CDH4: variants seen among roughly 807,000 people sequenced by gnomAD.
CDH4 encodes the protein cadherin-4.
Under a neutral mutation model 86.0 loss-of-function variants are expected in CDH4, and 33 were observed. The ratio of observed to expected loss-of-function variants is 0.38; its 90% CI spans 0.29 to 0.51. The LOEUF is 0.51. CDH4 is among the 20% of genes least tolerant of loss of function. The probability of loss-of-function intolerance (pLI) is 0.86; values close to 1 mark genes in which losing one functional copy is unlikely to be tolerated. For missense variants in CDH4, 1,114 were observed against 1,307.4 expected, an observed-to-expected ratio of 0.85 and a Z score of 2.28; for synonymous variants, 555 against 549.4, an observed-to-expected ratio of 1.01 and a Z score of -0.14.
At position 61,255,072 on chromosome 20, in the gene CDH4, C is replaced by T. The variant is rs148525076; in HGVS notation, c.169+135C>T. ...TGATGGTGGTGAAGTCCACGAGGTG[C>T]AAATTGGTTGACCTGAAAGGCGTTT... On this transcript the variant is annotated intron_variant, in intron 2 of 15. Coordinates refer to ENST00000614565, the MANE Select transcript of CDH4 (RefSeq NM_001794.5). 226 of 643,136 alleles carry T rather than the reference C, an allele frequency of 3.5e-4. 2 individuals carry two copies. Among genetic ancestry groups the T allele is most frequent in the African/African-American group, 3.5e-3 (191 of 55,094 alleles). The allele number at this position is 643,136 out of a possible 1,614,324, so 39.8% of individuals were successfully genotyped here.
chr20:61,305,149 G>A (rs141492982), intron 2 of CDH4, among the ~76,000 whole-genome samples: 66 of 152,092 alleles, frequency 4.3e-4, no homozygotes, highest in African/African-American at 4.1e-4. Context: ...ATTTTTCAGC[G>A]TCATCTCTGA....
rs1184412702 is a variant in CDH4, at chr20:61,811,752, A to T, written c.577-32916A>T. On this transcript the variant is annotated intron_variant, in intron 4 of 15. Coordinates refer to ENST00000614565, the MANE Select transcript of CDH4 (RefSeq NM_001794.5). The surrounding 1 kb of genome is among the most constrained non-coding windows in gnomAD (Gnocchi z 4.4). ...AGTGCCACGATCTCCACTCACTGCA[A>T]CCTCTGCCTCCCGGGTTCAAGCAAT... Among the ~76,000 whole-genome samples, 1 of 149,052 alleles carries T rather than the reference A, an allele frequency of 6.7e-6. No homozygotes were observed. The highest frequency in any genetic ancestry group is 1.5e-5 in the Non-Finnish European group (1 of 67,342).
chr20:61,632,988 A>T (rs565866500), intron 2 of CDH4, among the ~76,000 whole-genome samples: 1 of 150,308 alleles, frequency 6.7e-6, no homozygotes, highest in Admixed American at 6.6e-5. Flanking sequence ...CCATCTTCCC[A>T]TCCATCTACC....
rs1175987423 is a variant in CDH4, at chr20:61,654,098, A to T, written c.170-89465A>T. On this transcript the variant is annotated intron_variant, in intron 2 of 15. Coordinates refer to ENST00000614565, the MANE Select transcript of CDH4 (RefSeq NM_001794.5). The stretch of plus-strand genomic sequence containing the variant: ...CGGCTGGGAGGTGGAGGTTGTAGCG[A>T]GCTGAGATCACGCCACTGCACTCCA... 3.9e-5 allele frequency among the ~76,000 whole-genome samples: 6 copies of T among 152,178 alleles called. No homozygotes were observed. The East Asian group carries it at 1.2e-3, about 29-fold the overall frequency.
intron 2 of CDH4, among the ~76,000 whole-genome samples, chr20:61,485,207 C>T (rs1218445601): frequency 1.3e-5 from 2 of 152,132 alleles, no homozygotes; most frequent in Non-Finnish European, 2.9e-5. Context: ...AAGATCTCCC[C>T]AATAGAGAAT....
intron 2 of CDH4, among the ~76,000 whole-genome samples, chr20:61,650,052 G>A (rs2087105435): frequency 6.6e-6 from 1 of 152,168 alleles, no homozygotes; most frequent in African/African-American, 2.4e-5. Context: ...TCCTAAATGG[G>A]CAGTCAGCGG....
At chr20:61,673,195 A>G (rs2087409273) in intron 2 of CDH4, among the ~76,000 whole-genome samples, 1 of 152,176 alleles carries the variant, frequency 6.6e-6, no homozygotes, top group African/African-American at 2.4e-5. Flanking sequence ...CCTCCTGCAC[A>G]GTGACCTCTA....
rs544070808 is a variant in CDH4 at position 61,659,837 on chromosome 20, C to T, written c.170-83726C>T. Among the ~76,000 whole-genome samples the T allele has an allele frequency of 1.4e-4, 22 of 152,294 alleles. No homozygotes were observed. The South Asian group carries it at 3.5e-3, about 24-fold the overall frequency. On this transcript the variant is annotated intron_variant, in intron 2 of 15. Coordinates refer to ENST00000614565, the MANE Select transcript of CDH4 (RefSeq NM_001794.5). ...GCAGCGAAGGCCTGGGTGAAGTGGG[C>T]GGGCAGAGGCAGGGCTGCAGCTGCA...
intron 8 of CDH4, among the ~76,000 whole-genome samples, chr20:61,897,884 C>T (rs921766761): frequency 2.0e-5 from 3 of 152,220 alleles, no homozygotes; most frequent in African/African-American, 7.2e-5. Flanking sequence ...CCAGTGTCTG[C>T]GGCACCTCCC....
chr20:61,860,013 C>T (rs1382676760), intron 6 of CDH4, among the ~76,000 whole-genome samples: 1 of 152,278 alleles, frequency 6.6e-6, no homozygotes, highest in Non-Finnish European at 1.5e-5. Flanking sequence ...CTGCTTCACA[C>T]ATCTTCAGTA....
At chr20:61,870,672 G>A (rs1983766240) in intron 6 of CDH4, among the ~76,000 whole-genome samples, 2 of 152,190 alleles carry the variant, frequency 1.3e-5, no homozygotes, top group South Asian at 4.1e-4. Flanking sequence ...GGAAGCTGGA[G>A]TGGCTTCTCC....
At chr20:61,411,487 G>GAC (rs1568834644) in intron 2 of CDH4, among the ~76,000 whole-genome samples, 1 of 151,162 alleles carries the variant, frequency 6.6e-6, no homozygotes, top group Non-Finnish European at 1.5e-5. Flanking sequence ...TTTTCAAATG[G>GAC]GCAGCCTTCC....
intron 2 of CDH4, among the ~76,000 whole-genome samples, chr20:61,308,192 G>A (rs1433472613): frequency 6.6e-6 from 1 of 152,216 alleles, no homozygotes; most frequent in African/African-American, 2.4e-5. Flanking sequence ...GAGCCTCTTG[G>A]TTTTGAATGT....
intron 2 of CDH4, among the ~76,000 whole-genome samples, chr20:61,363,905 T>C (rs188428745): frequency 6.6e-6 from 1 of 152,234 alleles, no homozygotes; most frequent in Non-Finnish European, 1.5e-5. Context: ...GAACCCGTAC[T>C]ATGATATTTG....
chr20:61,541,549 C>T (rs1204226479), intron 2 of CDH4, among the ~76,000 whole-genome samples: 1 of 152,184 alleles, frequency 6.6e-6, no homozygotes, highest in Admixed American at 6.5e-5. Flanking sequence ...ACTACTTTAC[C>T]ACGTGAGCTG....
rs966413757 is a variant in CDH4, at chr20:61,408,659, C to T, written c.169+153722C>T. Among the ~76,000 whole-genome samples, 5 of 152,204 alleles carry T rather than the reference C, an allele frequency of 3.3e-5. 1 individual carries two copies. In the South Asian group the frequency reaches 1.0e-3, roughly 32 times the overall value. ...CAGTGTGGGGTGCGTGGAGGTGAGG[C>T]GTGGAGCAGCCAGCTGCCACCACCT... On this transcript the variant is annotated intron_variant, in intron 2 of 15. Transcript: ENST00000614565.
chr20:61,619,763 C>T (rs1023276990), intron 2 of CDH4, among the ~76,000 whole-genome samples: 1 of 152,156 alleles, frequency 6.6e-6, no homozygotes, highest in African/African-American at 2.4e-5. Context: ...AAGAGGTTGC[C>T]GATGCCCGGG....
intron 2 of CDH4, among the ~76,000 whole-genome samples, chr20:61,346,024 A>G (rs1212094659): frequency 6.6e-6 from 1 of 152,238 alleles, no homozygotes; most frequent in Non-Finnish European, 1.5e-5. Flanking sequence ...CAGAACACAC[A>G]GGGAAGTACA....
At chr20:61,815,232 G>A (rs1024633078) in intron 4 of CDH4, among the ~76,000 whole-genome samples, 12 of 152,306 alleles carry the variant, frequency 7.9e-5, no homozygotes, top group Admixed American at 3.3e-4. Flanking sequence ...CCAAGGCCAC[G>A]ATCACAGGCC....
Sources: gnomAD v4.1 joint callset for allele counts (sites outside exome capture counted in the v4.1 genomes callset) on GRCh38, gnomAD v4.1.1 for gene constraint, Gnocchi (gnomAD v3.1) non-coding constraint, MANE v1.5 for transcripts, NCBI Gene and HGNC (gene_info 2026-07-23, HGNC 2026-07-21) for gene names.